The following DENND1A variants were observed in gnomAD, a reference collection of about 807,000 sequenced individuals.
The protein encoded by DENND1A is DENN domain containing 1A.
A neutral mutation model predicts 113.7 loss-of-function variants in DENND1A; 51 were observed. The ratio of observed to expected loss-of-function variants is 0.45; its 90% CI spans 0.36 to 0.57. The LOEUF (loss-of-function observed/expected upper bound fraction) is 0.57. DENND1A is among the 20% of genes least tolerant of loss of function. DENND1A has a pLI of 0.00. For synonymous variants in DENND1A, 565 were observed against 570.8 expected, an observed-to-expected ratio of 0.99 and a Z score of 0.14; for missense variants, 1,258 against 1,395.9, an observed-to-expected ratio of 0.90 and a Z score of 1.57.
intron 5 of DENND1A, among the ~76,000 whole-genome samples, chr9:123,723,664 T>TGC (rs2067497635): frequency 6.6e-6 from 1 of 152,194 alleles, no homozygotes; most frequent in South Asian, 2.1e-4. Context: ...ATTTGCTTGC[T>TGC]GCCATCCATG....
At chr9:123,510,070 TGCACTGCCC>T (rs1436391709) in intron 13 of DENND1A, among the ~76,000 whole-genome samples, 1 of 152,264 alleles carries the variant, frequency 6.6e-6, no homozygotes, top group Non-Finnish European at 1.5e-5. Context: ...GTCCTATGAC[TGCACTGCCC>T]GCCATGGCCC....
At chr9:123,820,321 C>T (rs1590222885) in intron 2 of DENND1A, among the ~76,000 whole-genome samples, 4 of 152,134 alleles carry the variant, frequency 2.6e-5, no homozygotes, top group Non-Finnish European at 5.9e-5. Flanking sequence ...GGAATTATGC[C>T]GAGTCATTAT....
chr9:123,733,934 G>C (rs912831459), intron 5 of DENND1A, among the ~76,000 whole-genome samples: 5 of 151,978 alleles, frequency 3.3e-5, no homozygotes, highest in Non-Finnish European at 5.9e-5. Flanking sequence ...CCAAAGTGCT[G>C]GTATTACAGG....
At chr9:123,750,971 C>G (rs929476162) in intron 5 of DENND1A, among the ~76,000 whole-genome samples, 6 of 152,174 alleles carry the variant, frequency 3.9e-5, no homozygotes, top group African/African-American at 7.2e-5. Context: ...GTCCCCACAG[C>G]CTTCCTCCCC....
chr9:123,703,575 G>T (rs973619825), intron 5 of DENND1A, among the ~76,000 whole-genome samples: 2 of 152,018 alleles, frequency 1.3e-5, no homozygotes, highest in Non-Finnish European at 2.9e-5. Context: ...AGTAAGAGAG[G>T]AAGAAAGAAA....
intron 13 of DENND1A, among the ~76,000 whole-genome samples, chr9:123,526,714 C>T (rs895420109): frequency 2.0e-5 from 3 of 152,348 alleles, no homozygotes; most frequent in African/African-American, 7.2e-5. Flanking sequence ...GCATGTTATC[C>T]TGGATTTATC....
At chr9:123,393,125 T>C (rs2042940171) in intron 21 of DENND1A, among the ~76,000 whole-genome samples, 1 of 152,230 alleles carries the variant, frequency 6.6e-6, no homozygotes, top group African/African-American at 2.4e-5. Flanking sequence ...AAAATGGAGA[T>C]TCTGTAGCCC....
At chr9:123,452,389 A>G (rs2047787858) in intron 16 of DENND1A, 42 bp from the exon 17 acceptor site, 1 of 1,531,974 alleles carries the variant, frequency 6.5e-7, no homozygotes, top group Non-Finnish European at 9.0e-7. Flanking sequence ...CTGAAGACAG[A>G]GTCATCCAAC....
intron 13 of DENND1A, among the ~76,000 whole-genome samples, chr9:123,516,398 G>T (rs1279479229): frequency 6.6e-6 from 1 of 152,120 alleles, no homozygotes; most frequent in African/African-American, 2.4e-5. Flanking sequence ...TGAGAGCCCA[G>T]TAGAGAAGTG....
chr9:123,445,270 G>A (rs1360808143), intron 18 of DENND1A, among the ~76,000 whole-genome samples: 2 of 152,170 alleles, frequency 1.3e-5, no homozygotes, highest in South Asian at 4.1e-4. Context: ...GCTGAGGAAA[G>A]GACTTATGAC....
chr9:123,501,055 A>C (rs1328089216), intron 13 of DENND1A, among the ~76,000 whole-genome samples: 1 of 152,166 alleles, frequency 6.6e-6, no homozygotes, highest in African/African-American at 2.4e-5. Context: ...AACTCTTTTC[A>C]TCTTGTAAAA....
At chr9:123,632,454 C>T (rs1198108324) in intron 9 of DENND1A, among the ~76,000 whole-genome samples, 1 of 152,160 alleles carries the variant, frequency 6.6e-6, no homozygotes, top group African/African-American at 2.4e-5. Flanking sequence ...AAAGTCCTTG[C>T]TGGTGTTGAG....
intron 2 of DENND1A, among the ~76,000 whole-genome samples, chr9:123,808,500 C>G (rs190166513): frequency 1.3e-4 from 20 of 152,054 alleles, no homozygotes; most frequent in Non-Finnish European, 2.5e-4. Flanking sequence ...CCCGCCTCAG[C>G]CTCCCAAGTA....
intron 5 of DENND1A, among the ~76,000 whole-genome samples, chr9:123,681,138 G>A (rs1164795072): frequency 6.6e-6 from 1 of 152,046 alleles, no homozygotes; most frequent in Non-Finnish European, 1.5e-5. Context: ...GGCCTGACTT[G>A]GAGTTTCATG....
intron 13 of DENND1A, among the ~76,000 whole-genome samples, chr9:123,515,863 T>C (rs1364812275): frequency 6.6e-6 from 1 of 151,846 alleles, no homozygotes; most frequent in African/African-American, 2.4e-5. Flanking sequence ...GCCCAGGAGT[T>C]TGAGGCCAGT....
chr9:123,928,649 C>T (rs1857511799), intron 1 of DENND1A: 10 of 985,418 alleles, frequency 1.0e-5, no homozygotes, highest in Non-Finnish European at 1.2e-5. Context: ...TGCTGCAGCG[C>T]ATCTCATACA....
chr9:123,540,910 G>T (rs1050391476), intron 13 of DENND1A, among the ~76,000 whole-genome samples: 5 of 152,162 alleles, frequency 3.3e-5, no homozygotes, highest in Non-Finnish European at 7.4e-5. Flanking sequence ...TGGAAAAACC[G>T]TGAGTTCTAG....
At chr9:123,415,268 G>A (rs2044633192) in intron 19 of DENND1A, among the ~76,000 whole-genome samples, 2 of 152,274 alleles carry the variant, frequency 1.3e-5, no homozygotes, top group African/African-American at 4.8e-5. Context: ...TCGGCACGAG[G>A]GGATCCTGTC....
chr9:123,519,257 T>C (rs2054190603), intron 13 of DENND1A, among the ~76,000 whole-genome samples: 1 of 152,176 alleles, frequency 6.6e-6, no homozygotes, highest in Non-Finnish European at 1.5e-5. Context: ...CCCTACAGTG[T>C]AAGCTCCTTG....
Sources: gnomAD v4.1 joint callset for allele counts (sites outside exome capture counted in the v4.1 genomes callset) on GRCh38, gnomAD v4.1.1 for gene constraint, MANE v1.5 for transcripts, NCBI Gene and HGNC (gene_info 2026-07-23, HGNC 2026-07-21) for gene names.